The following MAF variants were observed in gnomAD, a reference collection of about 807,000 sequenced individuals.
MAF encodes the protein transcription factor Maf.
A neutral mutation model predicts 22.0 loss-of-function variants in MAF; 10 were observed. The observed-to-expected ratio is 0.45, with a 90% CI of 0.28 to 0.77. The LOEUF (loss-of-function observed/expected upper bound fraction) is 0.77. Ranked by LOEUF, MAF falls within the 30% of genes least tolerant of loss-of-function variation. MAF has a pLI of 0.12. For synonymous variants in MAF, 337 were observed against 255.8 expected, an observed-to-expected ratio of 1.32 and a Z score of -3.03; for missense variants, 544 against 548.4, an observed-to-expected ratio of 0.99 and a Z score of 0.08.
chr16:79,361,110 G>A, the MAF span, among the ~76,000 whole-genome samples: 9 of 152,082 alleles, frequency 5.9e-5, no homozygotes, highest in African/African-American at 1.9e-4. Context: ...CAAAATCTTT[G>A]GGTTCCCAAG....
chr16:79,285,555 A>G, the MAF span, among the ~76,000 whole-genome samples: 1 of 152,134 alleles, frequency 6.6e-6, no homozygotes, highest in Non-Finnish European at 1.5e-5. Context: ...CCTCTCTAGA[A>G]CCGCTGACTC....
At chr16:79,347,086 C>T in the MAF span, among the ~76,000 whole-genome samples, 2 of 152,152 alleles carry the variant, frequency 1.3e-5, no homozygotes, top group South Asian at 2.1e-4. Flanking sequence ...GGATCTGGCA[C>T]GCAGAGGGCT....
the MAF span, among the ~76,000 whole-genome samples, chr16:79,221,221 G>T: frequency 6.6e-6 from 1 of 152,150 alleles, no homozygotes; most frequent in Non-Finnish European, 1.5e-5. Context: ...ATTTTACCTG[G>T]TGTGGCCTAG....
the MAF span, among the ~76,000 whole-genome samples, chr16:79,528,513 G>A: frequency 6.6e-6 from 1 of 152,124 alleles, no homozygotes; most frequent in Non-Finnish European, 1.5e-5. Flanking sequence ...TCTCTTTACT[G>A]AAATCCAGAT....
the MAF span, among the ~76,000 whole-genome samples, chr16:79,405,015 G>T: frequency 1.3e-4 from 20 of 152,172 alleles, no homozygotes; most frequent in African/African-American, 4.6e-4. Flanking sequence ...GTGTCACCGG[G>T]TACTGGAAGA....
the MAF span, among the ~76,000 whole-genome samples, chr16:79,507,688 G>A: frequency 1.3e-5 from 2 of 152,180 alleles, no homozygotes; most frequent in Non-Finnish European, 2.9e-5. Context: ...GTCTCCCAAA[G>A]TGCTGGTATT....
the MAF span, among the ~76,000 whole-genome samples, chr16:79,213,306 A>C: frequency 4.0e-4 from 59 of 148,562 alleles, no homozygotes; most frequent in Middle Eastern, 3.5e-3. Flanking sequence ...CGAACAAACA[A>C]ACACCATTGC....
the MAF span, among the ~76,000 whole-genome samples, chr16:79,426,584 G>A: frequency 6.6e-6 from 1 of 152,174 alleles, no homozygotes; most frequent in South Asian, 2.1e-4. Context: ...CAGCTACAGA[G>A]TCAAGTGTGT....
chr16:79,487,529 G>T, the MAF span, among the ~76,000 whole-genome samples: 2 of 151,982 alleles, frequency 1.3e-5, no homozygotes, highest in East Asian at 1.9e-4. Flanking sequence ...TCTGTTTGGG[G>T]GCAATCCTGA....
chr16:79,256,510 T>G, the MAF span, among the ~76,000 whole-genome samples: 2 of 152,172 alleles, frequency 1.3e-5, no homozygotes, highest in African/African-American at 4.8e-5. Flanking sequence ...TATCTTGCAC[T>G]GCCTGCCAAA....
chr16:79,337,918 G>C, the MAF span, among the ~76,000 whole-genome samples: 18 of 152,184 alleles, frequency 1.2e-4, no homozygotes, highest in Admixed American at 3.3e-4. Context: ...ACTTACTTCT[G>C]ATGCCTGTCT....
chr16:79,563,999 C>A, the MAF span, among the ~76,000 whole-genome samples: 2 of 152,216 alleles, frequency 1.3e-5, no homozygotes, highest in African/African-American at 4.8e-5. Flanking sequence ...TAATCTAGTT[C>A]ATAATTCCAC....
downstream of MAF, among the ~76,000 whole-genome samples, chr16:79,582,609 G>C (rs929688708): frequency 1.3e-5 from 2 of 152,206 alleles, no homozygotes; most frequent in Admixed American, 6.5e-5. Context: ...TATGGAAAGG[G>C]GGTGATGTGG....
the MAF span, among the ~76,000 whole-genome samples, chr16:79,243,212 G>A: frequency 6.6e-6 from 1 of 152,030 alleles, no homozygotes; most frequent in East Asian, 1.9e-4. Flanking sequence ...GAGCAGAAGT[G>A]AAGGTGATAG....
chr16:79,569,572 A>G, the MAF span, among the ~76,000 whole-genome samples: 2 of 152,194 alleles, frequency 1.3e-5, no homozygotes, highest in African/African-American at 2.4e-5. Flanking sequence ...GACTGCCTGA[A>G]TCGGAAACTC....
At chr16:79,416,165 C>T in the MAF span, among the ~76,000 whole-genome samples, 1 of 152,256 alleles carries the variant, frequency 6.6e-6, no homozygotes, top group East Asian at 1.9e-4. Flanking sequence ...GGGGCGATTG[C>T]TCACTGCTAA....
the MAF span, among the ~76,000 whole-genome samples, chr16:79,432,009 A>AC: frequency 3.3e-5 from 5 of 151,906 alleles, no homozygotes; most frequent in Non-Finnish European, 5.9e-5. Flanking sequence ...ATATTTCCAA[A>AC]CCCTATGATG....
chr16:79,382,963 T>C, the MAF span, among the ~76,000 whole-genome samples: 1 of 152,230 alleles, frequency 6.6e-6, no homozygotes, highest in Non-Finnish European at 1.5e-5. Context: ...ATTCATTCAT[T>C]CATTCACTCA....
the MAF span, among the ~76,000 whole-genome samples, chr16:79,236,712 C>T: frequency 1.3e-5 from 2 of 151,996 alleles, no homozygotes; most frequent in East Asian, 1.9e-4. Flanking sequence ...CTCCAGGCTC[C>T]GCTCCTTTCC....
Sources: gnomAD v4.1 joint callset for allele counts (sites outside exome capture counted in the v4.1 genomes callset) on GRCh38, gnomAD v4.1.1 for gene constraint, MANE v1.5 for transcripts, NCBI Gene and HGNC (gene_info 2026-07-23, HGNC 2026-07-21) for gene names.